The following NSMCE2 variants were observed in gnomAD, a reference collection of about 807,000 sequenced individuals.
NSMCE2 encodes the protein E3 SUMO-protein ligase NSE2.
In NSMCE2, 24 loss-of-function variants were observed where a neutral mutation model predicts 23.8. The observed-to-expected ratio is 1.01, with a 90% CI of 0.73 to 1.42. The LOEUF (loss-of-function observed/expected upper bound fraction) is 1.42, where lower values mean the gene tolerates loss of function less well. NSMCE2 is among the 40% of genes most tolerant of loss of function. NSMCE2 has a pLI of 0.00. For missense variants in NSMCE2, 284 were observed against 296.5 expected (o/e 0.96, Z 0.31); for synonymous variants, 92 against 94.1 (o/e 0.98, Z 0.13).
chr8:125,268,487 G>A (rs1827037912), intron 5 of NSMCE2, among the ~76,000 whole-genome samples: 2 of 152,126 alleles, frequency 1.3e-5, no homozygotes, highest in South Asian at 4.1e-4. Context: ...GAGAATAAAG[G>A]AAAAGATGGT....
intron 5 of NSMCE2, among the ~76,000 whole-genome samples, chr8:125,275,466 G>A (rs999584931): frequency 3.9e-5 from 6 of 152,082 alleles, no homozygotes; most frequent in Non-Finnish European, 7.4e-5. Context: ...AGGTAAGAAC[G>A]TGCCCTGTGG....
Position 125,341,558 on chromosome 8 carries a change from T to C in NSMCE2, c.419-15661T>C, listed in dbSNP as rs552969749. Among the ~76,000 whole-genome samples, 4 of 152,204 alleles carry C rather than the reference T, an allele frequency of 2.6e-5. No individual in the cohort carries two copies. The South Asian group carries it at 8.3e-4, about 32-fold the overall frequency. ...GTTCTCCTTATGTGGTTTTTGTTAC[T>C]GCGTTGATTCATCTGTTAGTTTTTT... On this transcript the variant is annotated intron_variant, in intron 5 of 7. Coordinates refer to ENST00000287437, the MANE Select transcript of NSMCE2 (RefSeq NM_173685.4).
At chr8:125,206,875 G>A (rs1824138642) in intron 5 of NSMCE2, among the ~76,000 whole-genome samples, 1 of 152,130 alleles carries the variant, frequency 6.6e-6, no homozygotes, top group East Asian at 1.9e-4. Flanking sequence ...AGGAGTGAAG[G>A]GAAGAGAGAG....
chr8:125,204,957 G>T (rs539714556), intron 5 of NSMCE2, among the ~76,000 whole-genome samples: 110 of 152,302 alleles, frequency 7.2e-4, no homozygotes, highest in African/African-American at 2.5e-3. Flanking sequence ...AGTCAAGTAG[G>T]GCATGGGCTT....
At chr8:125,267,037 C>T (rs1400977519) in intron 5 of NSMCE2, among the ~76,000 whole-genome samples, 1 of 114,180 alleles carries the variant, frequency 8.8e-6, no homozygotes, top group Non-Finnish European at 1.7e-5. Flanking sequence ...CAGAGTCTTG[C>T]TCTGTCTCCC....
At chr8:125,339,566 A>G (rs893979551) in intron 5 of NSMCE2, among the ~76,000 whole-genome samples, 6 of 152,172 alleles carry the variant, frequency 3.9e-5, no homozygotes, top group African/African-American at 1.4e-4. Flanking sequence ...CCTATTCCCT[A>G]GTGTATCATA....
chr8:125,127,694 G>T (rs1819579966), intron 3 of NSMCE2, among the ~76,000 whole-genome samples: 1 of 152,046 alleles, frequency 6.6e-6, no homozygotes, highest in African/African-American at 2.4e-5. Flanking sequence ...AGCTTATGAG[G>T]GGTTTGGAGT....
chr8:125,252,705 A>G (rs1480423831), intron 5 of NSMCE2, among the ~76,000 whole-genome samples: 1 of 152,366 alleles, frequency 6.6e-6, no homozygotes, highest in East Asian at 1.9e-4. Flanking sequence ...CTGGTAGTTG[A>G]TGGTTTAAAA....
chr8:125,097,021 C>T (rs937540668), intron 1 of NSMCE2, among the ~76,000 whole-genome samples: 4 of 151,960 alleles, frequency 2.6e-5, no homozygotes, highest in African/African-American at 4.8e-5. Flanking sequence ...TATGTTTTTC[C>T]ATCTTTTTGT....
intron 3 of NSMCE2, among the ~76,000 whole-genome samples, chr8:125,123,425 T>C (rs2130512595): frequency 6.6e-6 from 1 of 152,382 alleles, no homozygotes; most frequent in African/African-American, 2.4e-5. Context: ...TTATAAATCT[T>C]ATTGCAGTTA....
At chr8:125,136,029 T>C (rs1327232806) in intron 3 of NSMCE2, among the ~76,000 whole-genome samples, 1 of 152,248 alleles carries the variant, frequency 6.6e-6, no homozygotes, top group African/African-American at 2.4e-5. Flanking sequence ...TGGCTTACCT[T>C]GTATGCTTCT....
At chr8:125,185,354 T>G (rs1031866140) in intron 5 of NSMCE2, among the ~76,000 whole-genome samples, 5 of 152,182 alleles carry the variant, frequency 3.3e-5, no homozygotes, top group Admixed American at 6.5e-5. Context: ...TTACCCAGGC[T>G]GGAGTGCAGT....
At chr8:125,274,784 G>A (rs1196787154) in intron 5 of NSMCE2, among the ~76,000 whole-genome samples, 2 of 151,968 alleles carry the variant, frequency 1.3e-5, no homozygotes, top group Admixed American at 6.6e-5. Context: ...ACAAAAATTA[G>A]CCAGGCATGG....
intron 5 of NSMCE2, among the ~76,000 whole-genome samples, chr8:125,205,827 C>A (rs1246088035): frequency 6.6e-6 from 1 of 152,070 alleles, no homozygotes; most frequent in African/African-American, 2.4e-5. Flanking sequence ...AATATGCTAT[C>A]TCTGATGGTC....
chr8:125,153,577 A>C (rs1341817498), intron 4 of NSMCE2, among the ~76,000 whole-genome samples: 1 of 152,186 alleles, frequency 6.6e-6, no homozygotes, highest in Non-Finnish European at 1.5e-5. Context: ...GGGCCGGGAT[A>C]ATATACTTGT....
At position 125,364,678 on chromosome 8, in the gene NSMCE2, T is replaced by C. The variant is rs569794146; in HGVS notation, c.627-2090T>C. Among the ~76,000 whole-genome samples the C allele has an allele frequency of 2.6e-5, 4 of 152,324 alleles. No individual in the cohort carries two copies. In the East Asian group the frequency reaches 7.7e-4, roughly 29 times the overall value. ...AGAAATAGATCCAGAACTTTAAAAC[T>C]TCTTGGAAGAATGATGATGAGGGAA... is the stretch of plus-strand genomic sequence containing the variant. On this transcript the variant is annotated intron_variant, in intron 7 of 7. Transcript: ENST00000287437.
intron 5 of NSMCE2, among the ~76,000 whole-genome samples, chr8:125,223,912 A>G (rs1056912899): frequency 8.7e-5 from 13 of 149,766 alleles, no homozygotes; most frequent in African/African-American, 3.0e-4. Flanking sequence ...TGCAGAAATC[A>G]TGCAGCCTTG....
At chr8:125,171,723 T>C (rs192341947) in intron 4 of NSMCE2, among the ~76,000 whole-genome samples, 3 of 152,224 alleles carry the variant, frequency 2.0e-5, no homozygotes, top group Admixed American at 6.5e-5. Context: ...ATAATAATAA[T>C]AACAACAATG....
At chr8:125,365,134 T>G (rs540775141) in intron 7 of NSMCE2, among the ~76,000 whole-genome samples, 1 of 152,022 alleles carries the variant, frequency 6.6e-6, no homozygotes, top group African/African-American at 2.4e-5. Context: ...CCACTCAGTC[T>G]CTCTTCTAGG....
Sources: allele counts gnomAD v4.1 joint callset (sites outside exome capture counted in the v4.1 genomes callset), GRCh38; gene constraint gnomAD v4.1.1; transcripts MANE v1.5; gene names NCBI Gene and HGNC (gene_info 2026-07-23, HGNC 2026-07-21).